The following CSMD1 variants were observed in gnomAD, a reference collection of about 807,000 sequenced individuals.
The protein encoded by CSMD1 is CUB and Sushi multiple domains 1.
CSMD1 carries 213 observed loss-of-function variants against 417.5 expected under a neutral mutation model. The ratio of observed to expected loss-of-function variants is 0.51; its 90% CI spans 0.46 to 0.57. The LOEUF (loss-of-function observed/expected upper bound fraction) is 0.57, where lower values mean the gene tolerates loss of function less well. Ranked by LOEUF, CSMD1 falls within the 20% of genes least tolerant of loss-of-function variation. The pLI, the probability that CSMD1 is intolerant of heterozygous loss-of-function variation, is 0.00. For missense variants in CSMD1, 6,923 were observed against 4,529.7 expected, an observed-to-expected ratio of 1.53 and a Z score of -15.17; for synonymous variants, 2,862 against 1,736.8, an observed-to-expected ratio of 1.65 and a Z score of -16.11.
At chr8:4,942,777 G>A (rs12056320) in intron 1 of CSMD1, among the ~76,000 whole-genome samples, 77,980 of 152,182 alleles carry the variant, frequency 0.51, 21,255 homozygotes, top group East Asian at 0.79. Context: ...CACAGATGAT[G>A]TAGCTAGGGA....
intron 41 of CSMD1, among the ~76,000 whole-genome samples, chr8:3,136,806 T>G (rs955400555): frequency 6.6e-6 from 1 of 152,142 alleles, no homozygotes; most frequent in East Asian, 1.9e-4. Context: ...GCACAATCCC[T>G]TAAAGAAGCC....
chr8:4,117,551 G>A (rs951876236), intron 3 of CSMD1, among the ~76,000 whole-genome samples: 42 of 152,252 alleles, frequency 2.8e-4, no homozygotes, highest in African/African-American at 9.4e-4. Flanking sequence ...CACTGATTGT[G>A]ACAGCTAATA....
At chr8:4,980,210 C>T (rs187882172) in intron 1 of CSMD1, among the ~76,000 whole-genome samples, 34 of 152,290 alleles carry the variant, frequency 2.2e-4, no homozygotes, top group Non-Finnish European at 4.7e-4. Flanking sequence ...TCCTGAGCTT[C>T]GAGGTTGGAT....
At chr8:4,343,266 G>A (rs1212221711) in intron 3 of CSMD1, among the ~76,000 whole-genome samples, 2 of 152,092 alleles carry the variant, frequency 1.3e-5, no homozygotes, top group African/African-American at 2.4e-5. Flanking sequence ...GTTGCCAGTG[G>A]TTGTGGGGAA....
chr8:4,874,390 T>TTC (rs1802917039), intron 1 of CSMD1, among the ~76,000 whole-genome samples: 2 of 142,440 alleles, frequency 1.4e-5, no homozygotes, highest in South Asian at 4.3e-4. Flanking sequence ...CCGATTGTAT[T>TTC]TTTTTTTTTT....
intron 23 of CSMD1, among the ~76,000 whole-genome samples, chr8:3,308,829 T>TCCTC (rs895511625): frequency 1.3e-4 from 19 of 150,046 alleles, no homozygotes; most frequent in African/African-American, 4.7e-4. Flanking sequence ...GTTCAAGTGA[T>TCCTC]TCTCCTGCCT....
At chr8:3,681,928 C>G (rs1799685241) in intron 7 of CSMD1, among the ~76,000 whole-genome samples, 1 of 152,118 alleles carries the variant, frequency 6.6e-6, no homozygotes, top group Non-Finnish European at 1.5e-5. Flanking sequence ...CTGACAAAAA[C>G]AAGAAATGGG....
At chr8:4,816,050 A>G (rs1197860472) in intron 1 of CSMD1, among the ~76,000 whole-genome samples, 2 of 152,226 alleles carry the variant, frequency 1.3e-5, no homozygotes, top group Admixed American at 1.3e-4. Context: ...CCAGGTGCAC[A>G]GATAAACACA....
chr8:4,494,988 G>A (rs1348209085), intron 2 of CSMD1, among the ~76,000 whole-genome samples: 1 of 151,910 alleles, frequency 6.6e-6, no homozygotes, highest in Non-Finnish European at 1.5e-5. Context: ...AAGAAAAGAA[G>A]TACTAAAGAG....
chr8:4,437,926 C>G (rs755274572), intron 2 of CSMD1, among the ~76,000 whole-genome samples: 2 of 152,154 alleles, frequency 1.3e-5, no homozygotes, highest in Non-Finnish European at 2.9e-5. Flanking sequence ...GGACATCAAC[C>G]TGCTTAAAGT....
chr8:4,464,441 A>T (rs1800030778), intron 2 of CSMD1, among the ~76,000 whole-genome samples: 1 of 152,220 alleles, frequency 6.6e-6, no homozygotes, highest in Non-Finnish European at 1.5e-5. Context: ...CACACTCAGA[A>T]CACGCACATT....
intron 2 of CSMD1, among the ~76,000 whole-genome samples, chr8:4,526,091 T>C (rs1239772371): frequency 6.6e-6 from 1 of 152,088 alleles, no homozygotes; most frequent in Non-Finnish European, 1.5e-5. Flanking sequence ...ATTTTTTAAA[T>C]AGAGATTTGG....
chr8:4,541,562 C>T (rs1407507037), intron 2 of CSMD1, among the ~76,000 whole-genome samples: 1 of 151,700 alleles, frequency 6.6e-6, no homozygotes, highest in Admixed American at 6.6e-5. Flanking sequence ...AGCCTGGCCA[C>T]CATGGTAAAA....
At chr8:4,379,898 A>C (rs1046883345) in intron 3 of CSMD1, among the ~76,000 whole-genome samples, 2 of 152,228 alleles carry the variant, frequency 1.3e-5, no homozygotes, top group Admixed American at 1.3e-4. Flanking sequence ...GCCGTGTTCC[A>C]CACACTGGAC....
intron 1 of CSMD1, among the ~76,000 whole-genome samples, chr8:4,671,086 T>C (rs1805293847): frequency 6.6e-6 from 1 of 152,238 alleles, no homozygotes; most frequent in Non-Finnish European, 1.5e-5. Flanking sequence ...ACCCTGCTGG[T>C]TTGAATCTGT....
At chr8:3,803,480 G>A (rs1363572640) in intron 5 of CSMD1, among the ~76,000 whole-genome samples, 2 of 152,184 alleles carry the variant, frequency 1.3e-5, no homozygotes, top group African/African-American at 2.4e-5. Flanking sequence ...TACTGCTTCA[G>A]AGGCTGAATA....
intron 5 of CSMD1, among the ~76,000 whole-genome samples, chr8:3,765,611 T>C (rs1230535538): frequency 6.6e-6 from 1 of 152,234 alleles, no homozygotes; most frequent in Non-Finnish European, 1.5e-5. Context: ...TTGCTCCTAA[T>C]GTAAGTTATT....
intron 3 of CSMD1, among the ~76,000 whole-genome samples, chr8:4,175,172 T>G (rs962267112): frequency 1.3e-5 from 2 of 151,914 alleles, no homozygotes; most frequent in Non-Finnish European, 1.5e-5. Flanking sequence ...TGTTGAAAAG[T>G]GATTTTTAAT....
chr8:3,294,626 G>T (rs149498647), intron 25 of CSMD1, among the ~76,000 whole-genome samples: 3 of 152,200 alleles, frequency 2.0e-5, no homozygotes, highest in Non-Finnish European at 2.9e-5. Flanking sequence ...AGTCATGCAC[G>T]GGATATAATC....
Sources: allele counts gnomAD v4.1 joint callset (sites outside exome capture counted in the v4.1 genomes callset), GRCh38; gene constraint gnomAD v4.1.1; transcripts MANE v1.5; gene names NCBI Gene and HGNC (gene_info 2026-07-23, HGNC 2026-07-21).